CDYL2: variants seen among roughly 807,000 people sequenced by gnomAD.
CDYL2 encodes chromodomain Y-like protein 2.
In CDYL2, 23 loss-of-function variants were observed where a neutral mutation model predicts 49.4. The ratio of observed to expected loss-of-function variants is 0.47; its 90% CI spans 0.34 to 0.66. The LOEUF (loss-of-function observed/expected upper bound fraction) is 0.66, where lower values mean the gene tolerates loss of function less well. Among genes scored for constraint, CDYL2 ranks in the 30% least tolerant of loss-of-function variants. The pLI is 0.01. For missense variants in CDYL2, 678 were observed against 656.4 expected, an observed-to-expected ratio of 1.03 and a Z score of -0.36; for synonymous variants, 360 against 268.8, an observed-to-expected ratio of 1.34 and a Z score of -3.32.
At chr16:80,726,094 T>C (rs76747055) in intron 1 of CDYL2, among the ~76,000 whole-genome samples, 1,829 of 152,346 alleles carry the variant, frequency 0.012, 31 homozygotes, top group African/African-American at 0.042. Context: ...CAGAAAATAA[T>C]GTCAAGTTTG....
intron 1 of CDYL2, among the ~76,000 whole-genome samples, chr16:80,793,965 T>C (rs1422400100): frequency 6.6e-6 from 1 of 152,222 alleles, no homozygotes; most frequent in Non-Finnish European, 1.5e-5. Context: ...AATCTTTGAT[T>C]TGCTATGAAA....
In CDYL2 at chr16:80,604,501, C is replaced by A. The variant is rs570302046; in HGVS notation, c.1408G>T (p.Val470Leu). Residue 470 changes from valine (V) to leucine (L), a missense_variant, in exon 7 of 7, where the codon GTG (valine) becomes TTG (leucine). Around this residue, in one of 3 missense-constraint regions of CDYL2, gnomAD observed 153 missense variants for 150.6 expected, o/e 1.02. Transcript: ENST00000570137. ...KCLVRSFLKS[V>L]LEDVNEKECL... The stretch of plus-strand genomic sequence containing the variant: ...TCCTTCTCGTTCACGTCTTCCAGCA[C>A]TGATTTCAGGAAGCTCCGCACGAGG... 5.0e-6 allele frequency: 8 copies of A among 1,614,208 alleles called. No homozygotes were observed. Among genetic ancestry groups the A allele is most frequent in the Non-Finnish European group, 6.8e-6 (8 of 1,180,034 alleles).
At chr16:80,637,948 G>A (rs1907913770) in intron 2 of CDYL2, among the ~76,000 whole-genome samples, 1 of 152,122 alleles carries the variant, frequency 6.6e-6, no homozygotes, top group African/African-American at 2.4e-5. Context: ...ATCCAAAACA[G>A]GAAATACGTA....
Position 80,804,230 on chromosome 16 carries a change from T to G in CDYL2, c.-57A>C. 1 of 1,321,982 alleles carries G rather than the reference T, an allele frequency of 7.6e-7. No homozygotes were observed. Among genetic ancestry groups the G allele is most frequent in the Non-Finnish European group, 9.9e-7 (1 of 1,007,430 alleles). The allele number at this position is 1,321,982 out of a possible 1,614,324, so 81.9% of individuals were successfully genotyped here. A position where few individuals can be genotyped will look rare whatever the true frequency, so the allele number is the denominator to read the frequency against. ...CGCGTCTGCTCGCTCGCGCCCTCCG[T>G]GCGTGTGCGCGCGGGGTCCGGTGTG... On this transcript the variant is annotated 5_prime_UTR_variant, in exon 1 of 7. Transcript: ENST00000570137.
chr16:80,645,113 G>T (rs920571520), intron 2 of CDYL2, among the ~76,000 whole-genome samples: 5 of 152,096 alleles, frequency 3.3e-5, no homozygotes, highest in Non-Finnish European at 7.4e-5. Flanking sequence ...CAAAAGCAAT[G>T]GCAACAAAAG....
At chr16:80,645,460 G>C (rs973896636) in intron 2 of CDYL2, among the ~76,000 whole-genome samples, 4 of 152,138 alleles carry the variant, frequency 2.6e-5, no homozygotes, top group Non-Finnish European at 5.9e-5. Flanking sequence ...AGTTAGAATG[G>C]CAATCATTAA....
chr16:80,697,258 T>C lies in CDYL2; in HGVS notation c.25-12129A>G, dbSNP rs138075829. Among the ~76,000 whole-genome samples the C allele has an allele frequency of 2.5e-3, 378 of 152,308 alleles. 4 individuals carry two copies. The highest frequency in any genetic ancestry group is 0.02 in the Admixed American group (313 of 15,302). On this transcript the variant is annotated intron_variant, in intron 1 of 6. Transcript: ENST00000570137. ...GTGGGATTTATCCCAGTGATTCACA[T>C]ATGGCTCAACATACATTAGAAAATA...
intron 1 of CDYL2, among the ~76,000 whole-genome samples, chr16:80,748,722 C>G (rs1906026005): frequency 6.6e-6 from 1 of 151,806 alleles, no homozygotes; most frequent in African/African-American, 2.4e-5. Context: ...GGCCCAACAC[C>G]ACAACCACCA....
Position 80,804,212 on chromosome 16 carries a change from G to A in CDYL2, c.-39C>T. 5 of 1,340,470 alleles carry A rather than the reference G, an allele frequency of 3.7e-6. No individual in the cohort carries two copies. Among genetic ancestry groups the A allele is most frequent in the Non-Finnish European group, 4.9e-6 (5 of 1,018,504 alleles). 83.0% of individuals were successfully genotyped at this position (1,340,470 alleles called of 1,614,324 possible). A position where few individuals can be genotyped will look rare whatever the true frequency, so the allele number is the denominator to read the frequency against. On this transcript the variant is annotated 5_prime_UTR_variant, in exon 1 of 7. Transcript: ENST00000570137. ...ACTTGGCTCGCCGGTGTGCGCGTCT[G>A]CTCGCTCGCGCCCTCCGTGCGTGTG... is the stretch of plus-strand genomic sequence containing the variant.
chr16:80,605,362 G>T (rs1281010831), intron 6 of CDYL2, among the ~76,000 whole-genome samples: 1 of 147,470 alleles, frequency 6.8e-6, no homozygotes, highest in Non-Finnish European at 1.5e-5. Flanking sequence ...ATTATATTAT[G>T]TATATGTATA....
At position 80,759,821 on chromosome 16, in the gene CDYL2, C is replaced by T. The variant is rs75824085; in HGVS notation, c.24+44329G>A. Among the ~76,000 whole-genome samples the T allele has an allele frequency of 2.5e-3, 384 of 152,220 alleles. 1 individual carries two copies. The highest frequency in any genetic ancestry group is 8.8e-3 in the African/African-American group (365 of 41,526). On this transcript the variant is annotated intron_variant, in intron 1 of 6. Transcript: ENST00000570137. Reference sequence around the variant, plus strand: ...ACACTTGTAAAAGATTCCCTAAGACCAGGAAACTACCAGGGGAATTCTAAG... The same window carrying T: ...ACACTTGTAAAAGATTCCCTAAGACTAGGAAACTACCAGGGGAATTCTAAG...
In CDYL2 at chr16:80,598,964, G is replaced by T. The variant is rs2142346674; in HGVS notation, c.*5424C>A. ...CACAATCCTGTCAACATCGACACTG[G>T]CAAATGACTTCAAGCTGGGACTAAT... On this transcript the variant is annotated 3_prime_UTR_variant, in exon 7 of 7. Coordinates refer to ENST00000570137, the MANE Select transcript of CDYL2 (RefSeq NM_152342.4). 1 of 152,128 alleles carries T rather than the reference G, an allele frequency of 6.6e-6. No individual in the cohort carries two copies. The highest frequency in any genetic ancestry group is 1.9e-4 in the East Asian group (1 of 5,174). The allele number at this position is 152,128 out of a possible 1,614,324, so 9.4% of individuals were successfully genotyped here.
At chr16:80,700,539 A>T (rs1260160853) in intron 1 of CDYL2, among the ~76,000 whole-genome samples, 2 of 152,252 alleles carry the variant, frequency 1.3e-5, no homozygotes, top group African/African-American at 2.4e-5. Flanking sequence ...ATAAATAAAA[A>T]TGGCTATCAA....
intron 2 of CDYL2, among the ~76,000 whole-genome samples, chr16:80,672,484 GGAAA>G: frequency 7.4e-6 from 1 of 135,724 alleles, no homozygotes; most frequent in African/African-American, 2.8e-5. Context: ...AAGAAAGAAA[GGAAA>G]GAAAGAAGGA....
intron 1 of CDYL2, among the ~76,000 whole-genome samples, chr16:80,789,870 T>C (rs1907554308): frequency 6.6e-6 from 1 of 152,064 alleles, no homozygotes; most frequent in African/African-American, 2.4e-5. Flanking sequence ...AGGGTACACA[T>C]GGACATAAAG....
At chr16:80,644,671 CT>C (rs994935226) in intron 2 of CDYL2, among the ~76,000 whole-genome samples, 3 of 152,180 alleles carry the variant, frequency 2.0e-5, no homozygotes, top group African/African-American at 7.2e-5. Context: ...TCTCGTGATA[CT>C]TATTCACTAC....
At chr16:80,787,057 C>G (rs1314560463) in intron 1 of CDYL2, among the ~76,000 whole-genome samples, 1 of 151,644 alleles carries the variant, frequency 6.6e-6, no homozygotes, top group Non-Finnish European at 1.5e-5. Context: ...AACCCAGAAC[C>G]TAAAGTACAA....
chr16:80,684,653 C>T lies in CDYL2; in HGVS notation c.501G>A (p.Glu167=). ...ENGDAGSEKD[E]RHFGNGSHQP... ...GATGGGACCCATTTCCAAAGTGCCTCTCATCCTTCTCAGAGCCGGCGTCCC... is the reference window on the plus strand; with the variant it reads ...GATGGGACCCATTTCCAAAGTGCCTTTCATCCTTCTCAGAGCCGGCGTCCC... Residue 167 remains glutamate, a synonymous_variant, in exon 2 of 7, where the codon GAG becomes GAA. Coordinates refer to ENST00000570137, the MANE Select transcript of CDYL2 (RefSeq NM_152342.4). 2 of 1,614,196 alleles carry T rather than the reference C, an allele frequency of 1.2e-6. No homozygotes were observed. The highest frequency in any genetic ancestry group is 4.5e-5 in the East Asian group (2 of 44,880).
intron 2 of CDYL2, among the ~76,000 whole-genome samples, chr16:80,683,063 A>T (rs1373752755): frequency 1.3e-5 from 2 of 152,178 alleles, no homozygotes; most frequent in Non-Finnish European, 2.9e-5. Context: ...CCAGCTCTGC[A>T]CGTTCTGGAC....
Sources: gnomAD v4.1 joint callset for allele counts (sites outside exome capture counted in the v4.1 genomes callset) on GRCh38, gnomAD v4.1.1 for gene constraint, gnomAD v4.1.1 regional missense constraint, MANE v1.5 for transcripts, NCBI Gene and HGNC (gene_info 2026-07-23, HGNC 2026-07-21) for gene names.